Variants in VARS2 observed in about 807,000 individuals in gnomAD.
The protein encoded by VARS2 is valyl-tRNA synthetase 2, mitochondrial, also known as valine--tRNA ligase, mitochondrial.
In VARS2, 105 loss-of-function variants were observed where a neutral mutation model predicts 154.1. The observed-to-expected ratio is 0.68, with a 90% CI of 0.58 to 0.80. VARS2 has a LOEUF of 0.80. Among genes scored for constraint, VARS2 ranks in the 30% least tolerant of loss-of-function variants. The pLI, the probability that VARS2 is intolerant of heterozygous loss-of-function variation, is 0.00. For synonymous variants in VARS2, 483 were observed against 539.5 expected, an observed-to-expected ratio of 0.90 and a Z score of 1.45; for missense variants, 1,157 against 1,361.4, an observed-to-expected ratio of 0.85 and a Z score of 2.36.
chr6:30,918,475 A>C (rs1036316578), intron 10 of VARS2, among the ~76,000 whole-genome samples: 11 of 152,328 alleles, frequency 7.2e-5, no homozygotes, highest in Admixed American at 7.2e-4. Context: ...GCTCCCCCTG[A>C]GGAATGTACA....
In VARS2 at chr6:30,923,136, C is replaced by T; in HGVS notation, c.2218C>T (p.Gln740Ter). The change falls in exon 24 of 30, where the codon CAG becomes TAG. Residue 740 changes from glutamine to a stop codon, truncating the protein, a stop_gained. Transcript: ENST00000676266. LOFTEE classifies it high-confidence loss of function. ...CTTGCACCTGTCAGTCTCTGAGGTCCAGAGCTGCCGACATTTCTGCAACAA... is the reference window on the plus strand; with the variant it reads ...CTTGCACCTGTCAGTCTCTGAGGTCTAGAGCTGCCGACATTTCTGCAACAA... ...GDLHLSVSEVQSCRHFCNKIW... is the reference protein window; with the variant it reads ...GDLHLSVSEV The T allele has an allele frequency of 6.2e-7, 1 of 1,613,094 alleles. No homozygotes were observed. Among genetic ancestry groups the T allele is most frequent in the African/African-American group, 1.3e-5 (1 of 75,056 alleles).
At chr6:30,918,625 T>C in intron 10 of VARS2, 1 of 701,516 alleles carries the variant, frequency 1.4e-6, no homozygotes, top group Non-Finnish European at 2.3e-6. Context: ...AGAGACCCTC[T>C]CAGACCTCTG....
Position 30,922,118 on chromosome 6 carries a change from C to G in VARS2, c.1809C>G (p.Thr603=), listed in dbSNP as rs760811017. The change falls in exon 20 of 30, where the codon ACC becomes ACG. Residue 603 remains threonine (T), a splice_region_variant and synonymous_variant. Coordinates refer to ENST00000676266, the MANE Select transcript of VARS2 (RefSeq NM_020442.6). ...PFSALGWPQE[T]PDLARFYPLS... ...CTTACTGCTCCTCTTCCCCCTAGAC[C>G]CCAGACCTTGCTCGTTTCTACCCCC... is the stretch of plus-strand genomic sequence containing the variant. The G allele has an allele frequency of 4.3e-6, 7 of 1,612,642 alleles. No individual in the cohort carries two copies. The Admixed American group carries it at 6.7e-5, about 15-fold the overall frequency.
At position 30,924,452 on chromosome 6, in the gene VARS2, A is replaced by G. The variant is rs1258821439; in HGVS notation, c.2565A>G (p.Pro855=). 1.2e-6 allele frequency: 2 copies of G among 1,611,438 alleles called. No homozygotes were observed. The highest frequency in any genetic ancestry group is 1.3e-5 in the African/African-American group (1 of 74,560). The change falls in exon 26 of 30, where the codon CCA becomes CCG. Residue 855 remains proline, a synonymous_variant. Transcript: ENST00000676266. ...CADLGLRLLA[P]LMPFLAEELW... is the part of the protein sequence containing the mutation. ...ACCTCGGCCTCCGCCTCCTGGCCCCACTGATGCCCTTCCTGGCTGAAGAGC... is the reference window on the plus strand; with the variant it reads ...ACCTCGGCCTCCGCCTCCTGGCCCCGCTGATGCCCTTCCTGGCTGAAGAGC...
chr6:30,914,400 C>T, intron 1 of VARS2, 56 bp downstream of exon 1: 1 of 1,264,290 alleles, frequency 7.9e-7, no homozygotes. Context: ...GGTCCTGGGC[C>T]CAGGCCTTGG....
rs574612677 is a variant in VARS2, at chr6:30,916,347, C to T, written c.671+98C>T. ...CTGACTTGTAATCCTTGGCTCTTCCCGACACAGCTCTGACTTCCTCAGAGA... is the reference window on the plus strand; with the variant it reads ...CTGACTTGTAATCCTTGGCTCTTCCTGACACAGCTCTGACTTCCTCAGAGA... On this transcript the variant is annotated intron_variant, in intron 7 of 29. Coordinates refer to ENST00000676266, the MANE Select transcript of VARS2 (RefSeq NM_020442.6). This position sits in a 1 kb window ranked among gnomAD's most constrained non-coding sequence, Gnocchi z 4.0. The T allele has an allele frequency of 2.7e-5, 28 of 1,039,240 alleles. No individual in the cohort carries two copies. In the Middle Eastern group the frequency reaches 9.4e-4, roughly 35 times the overall value. The allele number at this position is 1,039,240 out of a possible 1,614,324, so 64.4% of individuals were successfully genotyped here. A position where few individuals can be genotyped will look rare whatever the true frequency, so the allele number is the denominator to read the frequency against.
At position 30,914,519 on chromosome 6, in the gene VARS2, G is replaced by C. The variant is rs757800481; in HGVS notation, c.-28+175G>C. 11 of 1,339,120 alleles carry C rather than the reference G, an allele frequency of 8.2e-6. No individual in the cohort carries two copies. In the South Asian group the frequency reaches 8.2e-5, roughly 10 times the overall value. 83.0% of individuals were successfully genotyped at this position (1,339,120 alleles called of 1,614,324 possible). On this transcript the variant is annotated intron_variant, in intron 1 of 29. Transcript: ENST00000676266. ...GGACTCCTTGCTGGCTCTTGGGCGC[G>C]CTGATGCCCATCATCTCCCTGAGTT... is the stretch of plus-strand genomic sequence containing the variant.
In VARS2 at chr6:30,924,498, A is replaced by G; in HGVS notation, c.2611A>G (p.Arg871Gly). ...AEELWQRLPP[R>G]PGCPPAPSIS... ...AGAGCTCTGGCAGAGGCTGCCCCCCAGGCCTGGTTGCCCCCCTGCCCCCAG... is the reference window on the plus strand; with the variant it reads ...AGAGCTCTGGCAGAGGCTGCCCCCCGGGCCTGGTTGCCCCCCTGCCCCCAG... Residue 871 changes from arginine to glycine, a missense_variant, in exon 26 of 30, where the codon AGG becomes GGG. Coordinates refer to ENST00000676266, the MANE Select transcript of VARS2 (RefSeq NM_020442.6). 1 of 1,600,952 alleles carries G rather than the reference A, an allele frequency of 6.2e-7. No homozygotes were observed. The highest frequency in any genetic ancestry group is 8.5e-7 in the Non-Finnish European group (1 of 1,171,916).
chr6:30,919,680 C>A lies in VARS2; in HGVS notation c.1075-78C>A, dbSNP rs1326797530. 8.7e-7 allele frequency: 1 copy of A among 1,149,830 alleles called. No individual in the cohort carries two copies. The allele number at this position is 1,149,830 out of a possible 1,614,324, so 71.2% of individuals were successfully genotyped here. A position where few individuals can be genotyped will look rare whatever the true frequency, so the allele number is the denominator to read the frequency against. The stretch of plus-strand genomic sequence containing the variant: ...CCTTCCACTTTCTACCTTCTTATTC[C>A]TGGGGTTCTCACGCCCCAGCCCAGA... On this transcript the variant is annotated intron_variant, in intron 11 of 29. Transcript: ENST00000676266. This position sits in a 1 kb window ranked among gnomAD's most constrained non-coding sequence, Gnocchi z 4.5.
Position 30,921,344 on chromosome 6 carries a change from C to G in VARS2, c.1632+39C>G, listed in dbSNP as rs1794500391. ...AGCACCCGGAGGGCCGAGTGTGGCA[C>G]AGAGCACCTAGCCCAGGAGTCAGAG... On this transcript the variant is annotated intron_variant, in intron 17 of 29. Coordinates refer to ENST00000676266, the MANE Select transcript of VARS2 (RefSeq NM_020442.6). This position sits in a 1 kb window ranked among gnomAD's most constrained non-coding sequence, Gnocchi z 4.6. 6.2e-7 allele frequency: 1 copy of G among 1,611,576 alleles called. No homozygotes were observed. The highest frequency in any genetic ancestry group is 1.3e-5 in the African/African-American group (1 of 74,884).
Position 30,921,186 on chromosome 6 carries a change from G to T in VARS2, c.1557-44G>T, listed in dbSNP as rs375616113. 20 of 1,613,956 alleles carry T rather than the reference G, an allele frequency of 1.2e-5. No homozygotes were observed. The Admixed American group carries it at 1.5e-4, about 12-fold the overall frequency. ...AGCTCTTGTGGAGATGGGGAGGGGGGACTGACTGGTTATTCTAAGACTTCA... is the reference window on the plus strand; with the variant it reads ...AGCTCTTGTGGAGATGGGGAGGGGGTACTGACTGGTTATTCTAAGACTTCA... On this transcript the variant is annotated intron_variant, in intron 16 of 29. Coordinates refer to ENST00000676266, the MANE Select transcript of VARS2 (RefSeq NM_020442.6). This position sits in a 1 kb window ranked among gnomAD's most constrained non-coding sequence, Gnocchi z 4.6.
intron 4 of VARS2, 138 bp downstream of exon 4, chr6:30,915,593 G>A: frequency 6.9e-7 from 1 of 1,453,976 alleles, no homozygotes; most frequent in Non-Finnish European, 9.3e-7. Context: ...ATTTCTCTTG[G>A]CAGGTTCCCC....
chr6:30,920,506 T>C lies in VARS2; in HGVS notation c.1397+70T>C. The C allele has an allele frequency of 6.8e-7, 1 of 1,467,484 alleles. No individual in the cohort carries two copies. Among genetic ancestry groups the C allele is most frequent in the South Asian group, 1.3e-5 (1 of 75,496 alleles). 90.9% of individuals were successfully genotyped at this position (1,467,484 alleles called of 1,614,324 possible). A position where few individuals can be genotyped will look rare whatever the true frequency, so the allele number is the denominator to read the frequency against. The stretch of plus-strand genomic sequence containing the variant: ...AATGTATGGAGCTTAAGGGTGACAA[T>C]AGGATGGGCTCTGCACCCCTCCGTT... On this transcript the variant is annotated intron_variant, in intron 14 of 29. Transcript: ENST00000676266. This position sits in a 1 kb window ranked among gnomAD's most constrained non-coding sequence, Gnocchi z 4.6.
In VARS2 at chr6:30,922,539, T is replaced by C. The variant is rs775716552; in HGVS notation, c.2022T>C (p.Ser674=). 1 of 1,565,348 alleles carries C rather than the reference T, an allele frequency of 6.4e-7. No homozygotes were observed. The highest frequency in any genetic ancestry group is 1.2e-5 in the South Asian group (1 of 83,226). Residue 674 remains serine (S), a synonymous_variant, in exon 21 of 30, where the codon AGT becomes AGC. Transcript: ENST00000676266. ...TGCTGGACCCAAGAGACATCATCAG[T>C]GGGGTGGAGATGCAGGTGAGGACGA... The part of the protein sequence containing the change: ...GNVLDPRDII[S]GVEMQVLQEK...
Position 30,924,509 on chromosome 6 carries a change from C to G in VARS2, c.2622C>G (p.Cys874Trp). The change falls in exon 26 of 30, where the codon TGC becomes TGG. Residue 874 changes from cysteine (C) to tryptophan (W), a missense_variant. Physicochemically the swap from Cys to Trp is radical, Grantham distance 215. Transcript: ENST00000676266. Reference protein sequence around the residue: ...LWQRLPPRPGCPPAPSISVAP... With the variant: ...LWQRLPPRPGWPPAPSISVAP... The stretch of plus-strand genomic sequence containing the variant: ...AGAGGCTGCCCCCCAGGCCTGGTTG[C>G]CCCCCTGCCCCCAGCATCTCGGTTG... 2.5e-6 allele frequency: 4 copies of G among 1,585,872 alleles called. No individual in the cohort carries two copies. Among genetic ancestry groups the G allele is most frequent in the Non-Finnish European group, 3.4e-6 (4 of 1,161,114 alleles).
rs1292073412 is a variant in VARS2, at chr6:30,914,267, A to C, written c.-105A>C. ...CCATGCGCCGCGCGGCTCCAGGGCC[A>C]CGTTCCAGGGTCGGGTTTGGTGGAT... On this transcript the variant is annotated 5_prime_UTR_variant, in exon 1 of 30. Transcript: ENST00000676266. 21 of 851,656 alleles carry C rather than the reference A, an allele frequency of 2.5e-5. No homozygotes were observed. Among genetic ancestry groups the C allele is most frequent in the Admixed American group, 4.3e-5 (1 of 23,188 alleles). 52.8% of individuals were successfully genotyped at this position (851,656 alleles called of 1,614,324 possible). A position where few individuals can be genotyped will look rare whatever the true frequency, so the allele number is the denominator to read the frequency against.
chr6:30,917,956 TG>T lies in VARS2; in HGVS notation c.985+155del. 1 of 801,706 alleles carries T rather than the reference TG, an allele frequency of 1.2e-6. No individual in the cohort carries two copies. The highest frequency in any genetic ancestry group is 2.0e-6 in the Non-Finnish European group (1 of 496,968). 49.7% of individuals were successfully genotyped at this position (801,706 alleles called of 1,614,324 possible). A position where few individuals can be genotyped will look rare whatever the true frequency, so the allele number is the denominator to read the frequency against. ...GCGTGGGCACTTACCCAGGGTCTTC[TG>T]GGGGATGTACAAAAAGTGCATGTGG... is the stretch of plus-strand genomic sequence containing the variant. On this transcript the variant is annotated intron_variant, in intron 10 of 29. Transcript: ENST00000676266. This position sits in a 1 kb window ranked among gnomAD's most constrained non-coding sequence, Gnocchi z 4.4.
chr6:30,914,966 CGT>C lies in VARS2; in HGVS notation c.132_133del (p.Glu45SerfsTer16). ...TGGATCTCCCATCTCCCGGAGGAAC[CGT>C]GAAGCCAAACAGAAGCGCCTGCGAG... The part of the protein sequence containing the change: ...PHGSPISRRN[R>X]EAKQKRLREK... On this transcript the variant is annotated frameshift_variant, in exon 2 of 30. Coordinates refer to ENST00000676266, the MANE Select transcript of VARS2 (RefSeq NM_020442.6). LOFTEE classifies it high-confidence loss of function. The C allele has an allele frequency of 6.2e-7, 1 of 1,613,108 alleles. No individual in the cohort carries two copies. The highest frequency in any genetic ancestry group is 2.2e-5 in the East Asian group (1 of 44,876).
In VARS2 at chr6:30,916,480, T is replaced by TA; in HGVS notation, c.671+231_671+232insA. On this transcript the variant is annotated intron_variant, in intron 7 of 29. Transcript: ENST00000676266. This position sits in a 1 kb window ranked among gnomAD's most constrained non-coding sequence, Gnocchi z 4.0. ...TGTGTGTGTGTGTGTGTGTGTGTAT[T>TA]TATATATATATATATATTTTCTTTC... is the stretch of plus-strand genomic sequence containing the variant. 2 of 286,314 alleles carry TA rather than the reference T, an allele frequency of 7.0e-6. No homozygotes were observed. Among genetic ancestry groups the TA allele is most frequent in the Non-Finnish European group, 1.2e-5 (2 of 166,476 alleles). 17.7% of individuals were successfully genotyped at this position (286,314 alleles called of 1,614,324 possible).
Sources: allele counts gnomAD v4.1 joint callset (sites outside exome capture counted in the v4.1 genomes callset), GRCh38; gene constraint gnomAD v4.1.1; non-coding constraint Gnocchi (gnomAD v3.1); transcripts MANE v1.5; gene names NCBI Gene and HGNC (gene_info 2026-07-23, HGNC 2026-07-21).